Variants in TULP4 observed in about 807,000 individuals in gnomAD.
TULP4 encodes the protein TUB like protein 4, also known as tubby-related protein 4.
A neutral mutation model predicts 129.0 loss-of-function variants in TULP4; 16 were observed. That is an observed-to-expected ratio of 0.12 (90% CI 0.08 to 0.19). TULP4 has a LOEUF of 0.19. Among genes scored for constraint, TULP4 ranks in the 10% least tolerant of loss-of-function variants. TULP4 has a pLI of 1.00. For synonymous variants in TULP4, 998 were observed against 854.0 expected (o/e 1.17, Z -2.94); for missense variants, 1,842 against 2,059.1 (o/e 0.89, Z 2.04).
chr6:158,412,654 C>T (rs1280291752), intron 1 of TULP4, among the ~76,000 whole-genome samples: 1 of 151,860 alleles, frequency 6.6e-6, no homozygotes, highest in Non-Finnish European at 1.5e-5. Flanking sequence ...GGAAAATGAA[C>T]CTAAATAGTA....
intron 1 of TULP4, among the ~76,000 whole-genome samples, chr6:158,354,812 C>T (rs1780606840): frequency 6.9e-6 from 1 of 145,506 alleles, no homozygotes; most frequent in Non-Finnish European, 1.5e-5. Context: ...TGCTTGGGCC[C>T]AGGAGTTCTA....
intron 6 of TULP4, among the ~76,000 whole-genome samples, chr6:158,466,377 T>C (rs1216127409): frequency 6.6e-6 from 1 of 152,220 alleles, no homozygotes. Context: ...GTCATTTTTC[T>C]GGGATTTTTT....
intron 1 of TULP4, among the ~76,000 whole-genome samples, chr6:158,307,291 T>C (rs915688075): frequency 6.6e-6 from 1 of 152,188 alleles, no homozygotes; most frequent in Non-Finnish European, 1.5e-5. Context: ...CACACACATA[T>C]ATAATTGGAA....
chr6:158,341,552 C>T (rs1010535479), intron 1 of TULP4, among the ~76,000 whole-genome samples: 1 of 152,144 alleles, frequency 6.6e-6, no homozygotes, highest in Non-Finnish European at 1.5e-5. Context: ...GTTCCCTTTT[C>T]TCCACATTCT....
intron 2 of TULP4, among the ~76,000 whole-genome samples, chr6:158,426,808 G>T (rs181444625): frequency 2.6e-5 from 4 of 152,276 alleles, no homozygotes; most frequent in African/African-American, 7.2e-5. Flanking sequence ...AACTGTTTTG[G>T]GTAGTATGGC....
intron 1 of TULP4, among the ~76,000 whole-genome samples, chr6:158,351,580 T>TAA (rs1390615191): frequency 6.6e-6 from 1 of 152,178 alleles, no homozygotes; most frequent in Non-Finnish European, 1.5e-5. Context: ...ATTTGCTCCC[T>TAA]TTTATAACTG....
intron 1 of TULP4, among the ~76,000 whole-genome samples, chr6:158,381,066 G>A (rs969982365): frequency 2.6e-5 from 4 of 151,970 alleles, no homozygotes; most frequent in Non-Finnish European, 2.9e-5. Flanking sequence ...CTTCCTGAAG[G>A]TGGGTGGGTT....
In TULP4 at chr6:158,282,750, A is replaced by T. The variant is rs950273996; in HGVS notation, n.116+372A>T. ...TGTAAAGCAGGCATCTGGATCTTCCAGGACCACAGATGCTTTCTTGATGAA... is the reference window on the plus strand; with the variant it reads ...TGTAAAGCAGGCATCTGGATCTTCCTGGACCACAGATGCTTTCTTGATGAA... On this transcript the variant is annotated intron_variant and non_coding_transcript_variant, in intron 1 of 1. Transcript: ENST00000432358. The T allele has an allele frequency of 4.6e-5, 7 of 152,114 alleles. No individual in the cohort carries two copies. The East Asian group carries it at 1.3e-3, about 29-fold the overall frequency. The allele number at this position is 152,114 out of a possible 1,614,324, so 9.4% of individuals were successfully genotyped here. A position where few individuals can be genotyped will look rare whatever the true frequency, so the allele number is the denominator to read the frequency against.
intron 1 of TULP4, among the ~76,000 whole-genome samples, chr6:158,300,869 C>T (rs1169995872): frequency 6.6e-6 from 1 of 152,174 alleles, no homozygotes; most frequent in Non-Finnish European, 1.5e-5. Flanking sequence ...ATAAGCTTAG[C>T]CTCCTTCCAG....
At chr6:158,443,271 C>T (rs547266923) in intron 3 of TULP4, among the ~76,000 whole-genome samples, 139 of 152,070 alleles carry the variant, frequency 9.1e-4, no homozygotes, top group African/African-American at 3.2e-3. Flanking sequence ...CGTGAGCCAC[C>T]GCACCCAGCC....
At chr6:158,368,565 G>T (rs1490449213) in intron 1 of TULP4, among the ~76,000 whole-genome samples, 1 of 152,182 alleles carries the variant, frequency 6.6e-6, no homozygotes, top group Non-Finnish European at 1.5e-5. Flanking sequence ...GTGAACTGGG[G>T]TAGTTAACTC....
In TULP4 at chr6:158,493,855, A is replaced by G. The variant is rs929437757; in HGVS notation, c.1776+138A>G. The G allele has an allele frequency of 3.1e-6, 3 of 968,008 alleles. No individual in the cohort carries two copies. The highest frequency in any genetic ancestry group is 4.3e-6 in the Non-Finnish European group (3 of 699,076). 60.0% of individuals were successfully genotyped at this position (968,008 alleles called of 1,614,324 possible). A position where few individuals can be genotyped will look rare whatever the true frequency, so the allele number is the denominator to read the frequency against. ...CTGCTCCACATCCTGCACACCACCT[A>G]CTACCTCAGGAGTAGCCCTCAGGTG... On this transcript the variant is annotated intron_variant, in intron 10 of 13. Transcript: ENST00000367097. The surrounding 1 kb of genome is among the most constrained non-coding windows in gnomAD (Gnocchi z 4.4).
chr6:158,240,785 C>T (rs1777879173), intron 1 of TULP4, among the ~76,000 whole-genome samples: 1 of 143,834 alleles, frequency 7.0e-6, no homozygotes, highest in Non-Finnish European at 1.6e-5. Context: ...CACGGCTGGC[C>T]AGGCGGGGGG....
intron 1 of TULP4, among the ~76,000 whole-genome samples, chr6:158,296,706 A>G (rs1779040498): frequency 6.6e-6 from 1 of 152,002 alleles, no homozygotes; most frequent in African/African-American, 2.4e-5. Flanking sequence ...AAGAGTACAA[A>G]GAGAGGAATT....
At chr6:158,366,119 G>T (rs542674620) in intron 1 of TULP4, among the ~76,000 whole-genome samples, 1 of 151,454 alleles carries the variant, frequency 6.6e-6, no homozygotes, top group Non-Finnish European at 1.5e-5. Context: ...TAGCCAGGAT[G>T]GTCTCGATCT....
rs11373437 is a variant in TULP4 at position 158,363,062 on chromosome 6, C to CAAA, written c.252+48814_252+48816dup. ...GGGGGGACAGAGCGAGACTCCATCTCAAAAAAAAAAAAAAAAAAAAAAGTC... is the reference window on the plus strand; with the variant it reads ...GGGGGGACAGAGCGAGACTCCATCTCAAAAAAAAAAAAAAAAAAAAAAAAAGTC... On this transcript the variant is annotated intron_variant, in intron 1 of 13. Coordinates refer to ENST00000367097, the MANE Select transcript of TULP4 (RefSeq NM_020245.5). Among the ~76,000 whole-genome samples the CAAA allele has an allele frequency of 5.0e-3, 440 of 87,190 alleles. 9 individuals are homozygous for CAAA. Among genetic ancestry groups the CAAA allele is most frequent in the African/African-American group, 0.016 (354 of 21,676 alleles). 57.2% of individuals were successfully genotyped at this position (87,190 alleles called of 152,430 possible).
chr6:158,503,320 A>G lies in TULP4; in HGVS notation c.3657A>G (p.Ala1219=), dbSNP rs146008450. ...PKDALSPTQF[A]QQEPAVVLQP... ...ATGCCCTGTCCCCAACGCAGTTTGC[A>G]CAACAGGAGCCTGCTGTGGTCCTTC... Residue 1219 remains alanine (A), a synonymous_variant, in exon 13 of 14, where the codon GCA becomes GCG. Coordinates refer to ENST00000367097, the MANE Select transcript of TULP4 (RefSeq NM_020245.5). This position sits in a 1 kb window ranked among gnomAD's most constrained non-coding sequence, Gnocchi z 4.3. 33 of 1,613,634 alleles carry G rather than the reference A, an allele frequency of 2.0e-5. 1 individual carries two copies. In the African/African-American group the frequency reaches 4.0e-4, roughly 20 times the overall value.
intron 5 of TULP4, 118 bp from the exon 6 acceptor site, chr6:158,461,445 A>C: frequency 1.1e-6 from 1 of 917,548 alleles, no homozygotes; most frequent in Admixed American, 2.7e-5. Context: ...CCATGAATAT[A>C]TTTTTGTTGT....
intron 1 of TULP4, among the ~76,000 whole-genome samples, chr6:158,361,760 G>A (rs1780794992): frequency 6.6e-6 from 1 of 152,106 alleles, no homozygotes; most frequent in Admixed American, 6.5e-5. Flanking sequence ...AAATCTCTTG[G>A]CATCTGAGGA....
Sources: allele counts gnomAD v4.1 joint callset (sites outside exome capture counted in the v4.1 genomes callset), GRCh38; gene constraint gnomAD v4.1.1; non-coding constraint Gnocchi (gnomAD v3.1); transcripts MANE v1.5; gene names NCBI Gene and HGNC (gene_info 2026-07-23, HGNC 2026-07-21).